The following POLR3A variants were observed in gnomAD, a reference collection of about 807,000 sequenced individuals.
The protein encoded by POLR3A is DNA-directed RNA polymerase III subunit RPC1.
In POLR3A, 112 loss-of-function variants were observed where a neutral mutation model predicts 152.8. The observed-to-expected ratio is 0.73, with a 90% CI of 0.63 to 0.86. The LOEUF is 0.86. Among genes scored for constraint, POLR3A ranks in the 40% least tolerant of loss-of-function variants. POLR3A has a pLI of 0.00. For synonymous variants in POLR3A, 615 were observed against 652.1 expected (o/e 0.94, Z 0.87); for missense variants, 1,385 against 1,743.1 (o/e 0.79, Z 3.66).
intron 24 of POLR3A, 37 bp from the exon 25 acceptor site, chr10:77,984,335 G>A (rs760187351): frequency 9.8e-6 from 12 of 1,222,436 alleles, no homozygotes; most frequent in Non-Finnish European, 1.3e-5. Context: ...ACTAGCACAA[G>A]GGAGGAGGCT....
At chr10:77,993,897 C>A (rs111317416) in intron 19 of POLR3A, among the ~76,000 whole-genome samples, 3,203 of 152,210 alleles carry the variant, frequency 0.021, 112 homozygotes, top group African/African-American at 0.072. Context: ...AACCGTCCAC[C>A]AGCTGAACAC....
chr10:77,988,517 T>C (rs547924440), intron 21 of POLR3A, among the ~76,000 whole-genome samples: 1 of 152,266 alleles, frequency 6.6e-6, no homozygotes, highest in African/African-American at 2.4e-5. Context: ...AAAAAACTTT[T>C]ATTAATTCGC....
intron 19 of POLR3A, among the ~76,000 whole-genome samples, chr10:77,998,470 C>G (rs1440509445): frequency 6.6e-6 from 1 of 151,790 alleles, no homozygotes; most frequent in Admixed American, 6.6e-5. Flanking sequence ...AAAAACAAAC[C>G]CCATCAAAAA....
chr10:77,986,041 C>T (rs745762052), intron 22 of POLR3A, 32 bp downstream of exon 22: 23 of 1,589,122 alleles, frequency 1.4e-5, no homozygotes, highest in Middle Eastern at 1.7e-4. Context: ...ACAAACAGCT[C>T]GGGGTTCTAA....
chr10:77,977,498 G>A lies in POLR3A; in HGVS notation c.4153C>T (p.His1385Tyr), dbSNP rs745482375. Residue 1385 changes from histidine to tyrosine, a missense_variant, in exon 31 of 31, where the codon CAC becomes TAC. Around this residue, in one of 7 missense-constraint regions of POLR3A, gnomAD observed 332 missense variants for 400.1 expected, o/e 0.83. Transcript: ENST00000372371. ...RPLIFDTNEF[H>Y]IPLVT The stretch of plus-strand genomic sequence containing the variant: ...TTGGACTATGTGACAAGGGGGATGT[G>A]GAATTCATTTGTGTCGAAGATCAGG... The A allele has an allele frequency of 1.9e-6, 3 of 1,613,960 alleles. No homozygotes were observed. The highest frequency in any genetic ancestry group is 2.5e-6 in the Non-Finnish European group (3 of 1,180,000).
At position 78,017,660 on chromosome 10, in the gene POLR3A, A is replaced by G. The variant is rs753146785; in HGVS notation, c.1346T>C (p.Ile449Thr). 1 of 1,614,102 alleles carries G rather than the reference A, an allele frequency of 6.2e-7. No individual in the cohort carries two copies. The highest frequency in any genetic ancestry group is 8.5e-7 in the Non-Finnish European group (1 of 1,179,954). ...KMAQELKYGD[I>T]VERHLIDGDV... ...TCCATCGATGAGGTGTCTCTCTACG[A>G]TGTCACCATACTTGAGCTCTTGAGC... The change falls in exon 10 of 31, where the codon ATC becomes ACC. Residue 449 changes from isoleucine (I) to threonine (T), a missense_variant. Transcript: ENST00000372371.
intron 29 of POLR3A, among the ~76,000 whole-genome samples, 198 bp from the exon 30 acceptor site, chr10:77,980,471 C>A (rs898563515): frequency 1.3e-5 from 2 of 152,094 alleles, no homozygotes; most frequent in Non-Finnish European, 2.9e-5. Flanking sequence ...AAACTTCACA[C>A]TCGCATCCAG....
At chr10:78,016,965 C>T (rs1041497814) in intron 10 of POLR3A, among the ~76,000 whole-genome samples, 16 of 151,790 alleles carry the variant, frequency 1.1e-4, no homozygotes, top group African/African-American at 3.9e-4. Flanking sequence ...TTTGTGAAAC[C>T]ATGCTAGTCA....
At chr10:78,017,802 AT>A (rs1486211924) in intron 9 of POLR3A, 86 bp from the exon 10 acceptor site, 41 of 1,397,098 alleles carry the variant, frequency 2.9e-5, no homozygotes, top group Non-Finnish European at 4.1e-5. Context: ...TCAATCTTTA[AT>A]ATATTATTTC....
intron 18 of POLR3A, among the ~76,000 whole-genome samples, chr10:78,000,581 T>C (rs548557565): frequency 6.6e-6 from 1 of 152,360 alleles, no homozygotes; most frequent in East Asian, 1.9e-4. Flanking sequence ...TAAAAGTAGG[T>C]TGTAGTGATG....
At chr10:77,981,003 C>G (rs1359590433) in intron 29 of POLR3A, among the ~76,000 whole-genome samples, 1 of 152,120 alleles carries the variant, frequency 6.6e-6, no homozygotes, top group African/African-American at 2.4e-5. Context: ...CCACCTCAGC[C>G]TCCCGCCCCC....
intron 19 of POLR3A, among the ~76,000 whole-genome samples, chr10:77,996,221 A>T (rs920920784): frequency 1.3e-5 from 2 of 152,198 alleles, no homozygotes; most frequent in African/African-American, 4.8e-5. Flanking sequence ...AAAGATCTAA[A>T]ATTGACACCC....
At chr10:77,982,518 C>G (rs1465243913) in intron 27 of POLR3A, 135 bp downstream of exon 27, 8 of 923,216 alleles carry the variant, frequency 8.7e-6, no homozygotes, top group Non-Finnish European at 1.2e-5. Context: ...AGGAATCTAA[C>G]AGACTAACTC....
intron 30 of POLR3A, among the ~76,000 whole-genome samples, chr10:77,979,054 C>A (rs925992127): frequency 2.7e-5 from 4 of 149,200 alleles, no homozygotes; most frequent in African/African-American, 9.9e-5. Context: ...CTCAAGTGAT[C>A]GTCCTGCCTC....
At chr10:77,985,496 AGAC>A (rs1354098527) in intron 23 of POLR3A, among the ~76,000 whole-genome samples, 156 bp from the exon 24 acceptor site, 1 of 152,244 alleles carries the variant, frequency 6.6e-6, no homozygotes, top group Non-Finnish European at 1.5e-5. Context: ...AGCCTGGCAT[AGAC>A]CAGAAATAGG....
At chr10:78,014,534 A>G (rs1259473423) in intron 10 of POLR3A, among the ~76,000 whole-genome samples, 1 of 152,030 alleles carries the variant, frequency 6.6e-6, no homozygotes, top group East Asian at 1.9e-4. Context: ...CTCCTGCCTC[A>G]GCCTCCTGAG....
At chr10:78,025,569 C>T in intron 3 of POLR3A, 53 bp downstream of exon 3, 1 of 1,600,664 alleles carries the variant, frequency 6.2e-7, no homozygotes. Flanking sequence ...TCCAGCATCC[C>T]TGACCAATCA....
At chr10:77,988,440 T>C (rs1369161150) in intron 21 of POLR3A, among the ~76,000 whole-genome samples, 1 of 151,996 alleles carries the variant, frequency 6.6e-6, no homozygotes, top group Non-Finnish European at 1.5e-5. Context: ...GAGAATCACT[T>C]GAACCCAGGA....
In POLR3A at chr10:77,982,790, T is replaced by G; in HGVS notation, c.3457A>C (p.Ile1153Leu). 6.2e-7 allele frequency: 1 copy of G among 1,614,064 alleles called. No homozygotes were observed. Reference sequence around the variant, plus strand: ...TTCACACGGAGCTTGGATGTGCAGATGGAATATCTCACTGTCTCAGCGTTC... The same window carrying G: ...TTCACACGGAGCTTGGATGTGCAGAGGGAATATCTCACTGTCTCAGCGTTC... The part of the protein sequence containing the change: ...EVNAETVRYS[I>L]CTSKLRVKPG... The change falls in exon 27 of 31, where the codon ATC becomes CTC. Residue 1153 changes from isoleucine to leucine, a missense_variant. Transcript: ENST00000372371.
Sources: allele counts gnomAD v4.1 joint callset (sites outside exome capture counted in the v4.1 genomes callset), GRCh38; gene constraint gnomAD v4.1.1; regional missense constraint gnomAD v4.1.1; transcripts MANE v1.5; gene names NCBI Gene and HGNC (gene_info 2026-07-23, HGNC 2026-07-21).